Variants in NRG3 observed in about 807,000 individuals in gnomAD.
The protein encoded by NRG3 is neuregulin 3.
Under a neutral mutation model 66.9 loss-of-function variants are expected in NRG3, and 31 were observed. The ratio of observed to expected loss-of-function variants is 0.46; its 90% CI spans 0.35 to 0.63. The LOEUF is 0.63. Ranked by LOEUF, NRG3 falls within the 20% of genes least tolerant of loss-of-function variation. The pLI, the probability that NRG3 is intolerant of heterozygous loss-of-function variation, is 0.00. For synonymous variants in NRG3, 393 were observed against 359.4 expected (o/e 1.09, Z -1.06); for missense variants, 910 against 878.9 (o/e 1.04, Z -0.45).
chr10:82,622,501 C>T (rs2133625214), intron 2 of NRG3, among the ~76,000 whole-genome samples: 1 of 152,296 alleles, frequency 6.6e-6, no homozygotes, highest in African/African-American at 2.4e-5. Context: ...TATACACGCA[C>T]AGACGGCCTC....
At chr10:81,952,633 C>T (rs767144197) in intron 1 of NRG3, among the ~76,000 whole-genome samples, 2 of 152,046 alleles carry the variant, frequency 1.3e-5, no homozygotes, top group Non-Finnish European at 1.5e-5. Flanking sequence ...TGACACAGGG[C>T]ACTTTTTTCT....
intron 1 of NRG3, among the ~76,000 whole-genome samples, chr10:82,198,416 A>T (rs957822863): frequency 1.3e-5 from 2 of 152,192 alleles, no homozygotes; most frequent in Non-Finnish European, 2.9e-5. Context: ...TATTTGTAGG[A>T]AAGAAGATAA....
At chr10:82,419,737 A>G (rs1360953214) in intron 2 of NRG3, among the ~76,000 whole-genome samples, 3 of 152,216 alleles carry the variant, frequency 2.0e-5, no homozygotes, top group African/African-American at 4.8e-5. Flanking sequence ...TTACAAACAG[A>G]AAACAGTCAT....
chr10:82,269,363 G>T (rs1205185880), intron 1 of NRG3, among the ~76,000 whole-genome samples: 1 of 152,126 alleles, frequency 6.6e-6, no homozygotes, highest in Non-Finnish European at 1.5e-5. Context: ...CAGTCATAAT[G>T]TTCTGCTGTT....
chr10:82,913,855 G>A (rs186235617), intron 4 of NRG3, among the ~76,000 whole-genome samples: 1,775 of 152,100 alleles, frequency 0.012, 40 homozygotes, highest in African/African-American at 0.04. Context: ...ATTTTGGAAG[G>A]TTGTCAGCTA....
At chr10:82,243,506 A>T (rs1052599426) in intron 1 of NRG3, among the ~76,000 whole-genome samples, 1 of 152,174 alleles carries the variant, frequency 6.6e-6, no homozygotes, top group African/African-American at 2.4e-5. Context: ...AAAGAAAAAA[A>T]TTTAAGGTCT....
chr10:82,440,948 A>C lies in NRG3; in HGVS notation c.953+82080A>C, dbSNP rs139177166. On this transcript the variant is annotated intron_variant, in intron 2 of 8. Transcript: ENST00000372141. ...GTAAATTGTTTGCTGACTCAGCTTA[A>C]ATTTAGAAAATGTGCACATATTTTG... is the stretch of plus-strand genomic sequence containing the variant. Among the ~76,000 whole-genome samples, 343 of 152,336 alleles carry C rather than the reference A, an allele frequency of 2.3e-3. 1 individual carries two copies. Among genetic ancestry groups the C allele is most frequent in the African/African-American group, 7.6e-3 (317 of 41,580 alleles).
intron 2 of NRG3, among the ~76,000 whole-genome samples, chr10:82,654,079 A>AT (rs1362038842): frequency 6.6e-6 from 1 of 152,192 alleles, no homozygotes; most frequent in Non-Finnish European, 1.5e-5. Flanking sequence ...GGCTTGTGAA[A>AT]TGGAGCTAGA....
chr10:82,649,282 A>C (rs2051216860), intron 2 of NRG3, among the ~76,000 whole-genome samples: 1 of 152,130 alleles, frequency 6.6e-6, no homozygotes, highest in African/African-American at 2.4e-5. Flanking sequence ...GTCCTTGAGA[A>C]GACAGTTTGG....
chr10:81,891,436 T>C (rs1843002936), intron 1 of NRG3, among the ~76,000 whole-genome samples: 1 of 152,126 alleles, frequency 6.6e-6, no homozygotes, highest in Non-Finnish European at 1.5e-5. Flanking sequence ...TCCAGGCTTG[T>C]TACCTCATCT....
At chr10:82,179,062 C>G (rs188061753) in intron 1 of NRG3, among the ~76,000 whole-genome samples, 1 of 151,620 alleles carries the variant, frequency 6.6e-6, no homozygotes, top group African/African-American at 2.4e-5. Flanking sequence ...TTATTCAGGC[C>G]CTTTGCTCAT....
chr10:82,621,751 C>G (rs2049053063), intron 2 of NRG3, among the ~76,000 whole-genome samples: 2 of 152,196 alleles, frequency 1.3e-5, no homozygotes, highest in African/African-American at 2.4e-5. Context: ...CAAGGTCAGG[C>G]AGCTACTAAC....
rs60288660 is a variant in NRG3, at chr10:82,097,369, TACACACAC to T, written c.823+221227_823+221234del. Among the ~76,000 whole-genome samples the T allele has an allele frequency of 9.9e-3, 1,401 of 141,022 alleles. 26 individuals are homozygous for T. Among genetic ancestry groups the T allele is most frequent in the African/African-American group, 0.034 (1,319 of 38,520 alleles). 92.5% of individuals were successfully genotyped at this position (141,022 alleles called of 152,430 possible). A position where few individuals can be genotyped will look rare whatever the true frequency, so the allele number is the denominator to read the frequency against. ...ATGTTATTTTCAGTTTCCAGATGGT[TACACACAC>T]ACACACACACACACACACACTCCCA... On this transcript the variant is annotated intron_variant, in intron 1 of 8. Coordinates refer to ENST00000372141, the MANE Select transcript of NRG3 (RefSeq NM_001010848.4).
Position 82,751,030 on chromosome 10 carries a change from G to A in NRG3, c.1027+12380G>A, listed in dbSNP as rs551820756. 3.3e-5 allele frequency among the ~76,000 whole-genome samples: 5 copies of A among 152,060 alleles called. No homozygotes were observed. The East Asian group carries it at 7.7e-4, about 23-fold the overall frequency. ...ATAACCTAATTCTTGTACATGATACGCACTTGACAAAACTGTGAACAATTA... is the reference window on the plus strand; with the variant it reads ...ATAACCTAATTCTTGTACATGATACACACTTGACAAAACTGTGAACAATTA... On this transcript the variant is annotated intron_variant, in intron 3 of 8. Transcript: ENST00000372141.
intron 2 of NRG3, among the ~76,000 whole-genome samples, chr10:82,607,471 G>T (rs2048037736): frequency 1.3e-5 from 2 of 151,878 alleles, no homozygotes; most frequent in African/African-American, 4.8e-5. Context: ...CTCTATCTGT[G>T]TCCTTATTAA....
chr10:81,940,383 A>G (rs1414323644), intron 1 of NRG3, among the ~76,000 whole-genome samples: 1 of 151,968 alleles, frequency 6.6e-6, no homozygotes, highest in Non-Finnish European at 1.5e-5. Flanking sequence ...GTTTCACTCT[A>G]TTTCCCAGGC....
intron 1 of NRG3, among the ~76,000 whole-genome samples, chr10:81,941,618 G>T (rs1021545592): frequency 9.9e-5 from 15 of 152,090 alleles, no homozygotes; most frequent in African/African-American, 3.6e-4. Flanking sequence ...CTGTGAAACT[G>T]GTCTAAGTTA....
chr10:81,976,032 A>C (rs2060112716), intron 1 of NRG3, among the ~76,000 whole-genome samples: 1 of 152,180 alleles, frequency 6.6e-6, no homozygotes, highest in Non-Finnish European at 1.5e-5. Context: ...CTCTGTTACA[A>C]CCTGATTTTA....
At chr10:82,897,507 T>C (rs1264478287) in intron 4 of NRG3, among the ~76,000 whole-genome samples, 1 of 152,162 alleles carries the variant, frequency 6.6e-6, no homozygotes, top group Non-Finnish European at 1.5e-5. Flanking sequence ...TTTAAAGAAC[T>C]AACATGTCTT....
Sources: gnomAD v4.1 joint callset for allele counts (sites outside exome capture counted in the v4.1 genomes callset) on GRCh38, gnomAD v4.1.1 for gene constraint, MANE v1.5 for transcripts, NCBI Gene and HGNC (gene_info 2026-07-23, HGNC 2026-07-21) for gene names.